The following BRWD3 variants were observed in gnomAD, a reference collection of about 807,000 sequenced individuals.
BRWD3 encodes bromodomain and WD repeat-containing protein 3.
BRWD3 carries 10 observed loss-of-function variants against 149.7 expected under a neutral mutation model. The ratio of observed to expected loss-of-function variants is 0.07; its 90% CI spans 0.04 to 0.11. The LOEUF is 0.11. BRWD3 is among the 10% of genes least tolerant of loss of function. The pLI is 1.00. For missense variants in BRWD3, 940 were observed against 1,373.2 expected (o/e 0.68, Z 4.99); for synonymous variants, 504 against 456.7 (o/e 1.10, Z -1.32).
intron 6 of BRWD3, among the ~76,000 whole-genome samples, chrX:80,776,514 A>T (rs1330170159): frequency 8.9e-6 from 1 of 112,053 alleles, no homozygotes; most frequent in Non-Finnish European, 1.9e-5. Context: ...TACATGTTAA[A>T]GAGTCAAAAT....
chrX:80,766,889 A>C (rs930802674), intron 6 of BRWD3, among the ~76,000 whole-genome samples: 5 of 112,072 alleles, frequency 4.5e-5, no homozygotes, highest in Admixed American at 1.9e-4. Context: ...GCACCTGGAA[A>C]ACTGGGACAT....
chrX:80,758,909 C>T (rs1427313951), intron 6 of BRWD3, among the ~76,000 whole-genome samples: 2 of 112,101 alleles, frequency 1.8e-5, no homozygotes, highest in Non-Finnish European at 3.8e-5. Flanking sequence ...ACATTACTCA[C>T]AGCTGTAATT....
At position 80,809,814 on chromosome X, in the gene BRWD3, T is replaced by TG. The variant is rs1292695009; in HGVS notation, c.-344dup. The TG allele has an allele frequency of 3.2e-4, 6 of 18,928 alleles. No individual in the cohort carries two copies. The highest frequency in any genetic ancestry group is 7.8e-4 in the Admixed American group (1 of 1,285). 1.6% of individuals were successfully genotyped at this position (18,928 alleles called of 1,213,427 possible). On this transcript the variant is annotated 5_prime_UTR_variant, in exon 1 of 41. Transcript: ENST00000373275. ...GAGAGAGAGAGAGAGACGCGGGGGG[T>TG]GGGGGGGCGGAGAGAGAGAGAGAGA...
At chrX:80,748,005 G>A (rs1179047405) in intron 6 of BRWD3, among the ~76,000 whole-genome samples, 2 of 110,921 alleles carry the variant, frequency 1.8e-5, no homozygotes, top group Non-Finnish European at 3.8e-5. Flanking sequence ...TATAAGTGGC[G>A]AGAATGGGCA....
intron 6 of BRWD3, among the ~76,000 whole-genome samples, chrX:80,786,820 T>C (rs1602434963): frequency 8.9e-6 from 1 of 112,120 alleles, no homozygotes; most frequent in Non-Finnish European, 1.9e-5. Flanking sequence ...TAATCCACCG[T>C]GCCCGGCCTA....
chrX:80,767,116 A>C (rs1421419050), intron 6 of BRWD3, among the ~76,000 whole-genome samples: 1 of 112,105 alleles, frequency 8.9e-6, no homozygotes, highest in Non-Finnish European at 1.9e-5. Flanking sequence ...GGAAGCTTGA[A>C]CTGGGCGGAG....
Position 80,795,121 on chromosome X carries a change from G to C in BRWD3, c.181-1349C>G, listed in dbSNP as rs12007767. Among the ~76,000 whole-genome samples, 345 of 110,953 alleles carry C rather than the reference G, an allele frequency of 3.1e-3. 2 individuals carry two copies. Among genetic ancestry groups the C allele is most frequent in the African/African-American group, 0.011 (325 of 30,567 alleles). On this transcript the variant is annotated intron_variant, in intron 4 of 40. Transcript: ENST00000373275. ...GACATTAGATACCATATATAGATAA[G>C]AATGAAACTATAAAACAACAAAAAT...
Position 80,782,346 on chromosome X carries a change from C to T in BRWD3, c.430+9508G>A, listed in dbSNP as rs780242549. On this transcript the variant is annotated intron_variant, in intron 6 of 40. Coordinates refer to ENST00000373275, the MANE Select transcript of BRWD3 (RefSeq NM_153252.5). ...GAGACCCCCTATCTCTCGCCATATA[C>T]AAGAATCAAATCAAAATGGGTTGAA... Among the ~76,000 whole-genome samples, 4 of 111,264 alleles carry T rather than the reference C, an allele frequency of 3.6e-5. No individual in the cohort carries two copies. The South Asian group carries it at 1.5e-3, about 42-fold the overall frequency.
intron 6 of BRWD3, among the ~76,000 whole-genome samples, chrX:80,769,310 C>A (rs1294452023): frequency 1.8e-5 from 2 of 111,785 alleles, no homozygotes; most frequent in Non-Finnish European, 3.8e-5. Flanking sequence ...CACCACAACA[C>A]ACCTATTCCA....
At position 80,809,490 on chromosome X, in the gene BRWD3, T is replaced by A. The variant is rs1408525885; in HGVS notation, c.-19A>T. 1.1e-6 allele frequency: 1 copy of A among 881,258 alleles called. No homozygotes were observed. Among genetic ancestry groups the A allele is most frequent in the Non-Finnish European group, 1.5e-6 (1 of 664,899 alleles). 72.6% of individuals were successfully genotyped at this position (881,258 alleles called of 1,213,427 possible). A position where few individuals can be genotyped will look rare whatever the true frequency, so the allele number is the denominator to read the frequency against. On this transcript the variant is annotated 5_prime_UTR_variant, in exon 1 of 41. Transcript: ENST00000373275. ...CCGCCATCCTTTTCCCGAGGGGGTT[T>A]GGGGGCTTCGCTCCGGAGGGGCTGG...
intron 31 of BRWD3, among the ~76,000 whole-genome samples, chrX:80,690,545 CA>C (rs1425236916): frequency 9.0e-6 from 1 of 111,480 alleles, no homozygotes; most frequent in Admixed American, 9.5e-5. Context: ...ATTAACCAGT[CA>C]TGGAATACTG....
chrX:80,698,057 TA>T (rs761079042), intron 25 of BRWD3, among the ~76,000 whole-genome samples: 2 of 112,137 alleles, frequency 1.8e-5, no homozygotes, highest in African/African-American at 3.2e-5. Flanking sequence ...CCCTAATGAT[TA>T]GTGATGTTTT....
intron 6 of BRWD3, among the ~76,000 whole-genome samples, chrX:80,767,160 G>T (rs2073870282): frequency 2.7e-5 from 3 of 112,122 alleles, no homozygotes; most frequent in Non-Finnish European, 1.9e-5. Flanking sequence ...TTCTGCACAG[G>T]TAAACCTCCC....
In BRWD3 at chrX:80,733,595, GT is replaced by G. The variant is rs370277579; in HGVS notation, c.1087-100del. 0.12 allele frequency: 50,431 copies of G among 419,811 alleles called. 163 individuals carry two copies. Among genetic ancestry groups the G allele is most frequent in the Non-Finnish European group, 0.13 (34,391 of 260,601 alleles). 34.6% of individuals were successfully genotyped at this position (419,811 alleles called of 1,213,427 possible). On this transcript the variant is annotated intron_variant, in intron 11 of 40. Transcript: ENST00000373275. ...TCATAGGCAAAAACATCATGAAGTAGTTTTTTTTTTTTTTAATTTCAATGAA... is the reference window on the plus strand; with the variant it reads ...TCATAGGCAAAAACATCATGAAGTAGTTTTTTTTTTTTTAATTTCAATGAA...
At chrX:80,711,737 T>G (rs976674760) in intron 20 of BRWD3, among the ~76,000 whole-genome samples, 1 of 112,269 alleles carries the variant, frequency 8.9e-6, no homozygotes, top group African/African-American at 3.2e-5. Context: ...ACAATAACTC[T>G]TTCAACTAAT....
chrX:80,775,150 T>A (rs1429697246), intron 6 of BRWD3, among the ~76,000 whole-genome samples: 1 of 112,081 alleles, frequency 8.9e-6, no homozygotes, highest in Non-Finnish European at 1.9e-5. Flanking sequence ...TATCTATGGC[T>A]GTTTTCACAG....
At chrX:80,687,100 GTATATA>G (rs3029738) in intron 34 of BRWD3, 97 bp from the exon 35 acceptor site, 17,273 of 337,265 alleles carry the variant, frequency 0.051, no homozygotes, top group Non-Finnish European at 0.059. Context: ...CTGTATGTGT[GTATATA>G]TATATATATA....
chrX:80,698,970 T>C (rs899555120), intron 25 of BRWD3, among the ~76,000 whole-genome samples: 5 of 111,098 alleles, frequency 4.5e-5, no homozygotes, highest in African/African-American at 1.6e-4. Context: ...CCCAGCACTT[T>C]GGGAGGCCGA....
At position 80,716,261 on chromosome X, in the gene BRWD3, G is replaced by A. The variant is rs757594585; in HGVS notation, c.2232-11C>T. 8.9e-7 allele frequency: 1 copy of A among 1,121,080 alleles called. No individual in the cohort carries two copies. The highest frequency in any genetic ancestry group is 1.8e-5 in the South Asian group (1 of 54,741). The allele number at this position is 1,121,080 out of a possible 1,213,427, so 92.4% of individuals were successfully genotyped here. A position where few individuals can be genotyped will look rare whatever the true frequency, so the allele number is the denominator to read the frequency against. On this transcript the variant is annotated splice_polypyrimidine_tract_variant and intron_variant, in intron 19 of 40. Coordinates refer to ENST00000373275, the MANE Select transcript of BRWD3 (RefSeq NM_153252.5). ...CATTCTTCCTGTACCCTAATAACAA[G>A]TCAAAGGTCAAAGTAACAGAAAATC...
Sources: gnomAD v4.1 joint callset for allele counts (sites outside exome capture counted in the v4.1 genomes callset) on GRCh38, gnomAD v4.1.1 for gene constraint, MANE v1.5 for transcripts, NCBI Gene and HGNC (gene_info 2026-07-23, HGNC 2026-07-21) for gene names.